FREM3: variants seen among roughly 807,000 people sequenced by gnomAD.
FREM3 encodes the protein FRAS1 related extracellular matrix 3, also known as FRAS1-related extracellular matrix protein 3.
In FREM3, 105 loss-of-function variants were observed where a neutral mutation model predicts 129.1. That is an observed-to-expected ratio of 0.81 (90% CI 0.69 to 0.96). The LOEUF is 0.96. FREM3 is among the 40% of genes least tolerant of loss of function. FREM3 has a pLI of 0.00. For missense variants in FREM3, 2,593 were observed against 2,666.3 expected, an observed-to-expected ratio of 0.97 and a Z score of 0.61; for synonymous variants, 1,014 against 1,044.9, an observed-to-expected ratio of 0.97 and a Z score of 0.57.
At chr4:143,680,619 G>A (rs2149859115) in intron 2 of FREM3, among the ~76,000 whole-genome samples, 1 of 152,054 alleles carries the variant, frequency 6.6e-6, no homozygotes, top group East Asian at 1.9e-4. Flanking sequence ...TCTTACCACT[G>A]TTTTTATTTA....
Position 143,689,518 on chromosome 4 carries a change from A to G in FREM3, c.5275+3595T>C, listed in dbSNP as rs191827464. ...AGTAGAACTACAATTTGATCCAGCA[A>G]TCCCACTACTAGGTATTTACCCAGA... is the stretch of plus-strand genomic sequence containing the variant. On this transcript the variant is annotated intron_variant, in intron 2 of 7. Transcript: ENST00000329798. Among the ~76,000 whole-genome samples, 821 of 152,264 alleles carry G rather than the reference A, an allele frequency of 5.4e-3. 7 individuals are homozygous for G. The highest frequency in any genetic ancestry group is 0.014 in the Middle Eastern group (4 of 294).
In FREM3 at chr4:143,698,065, C is replaced by A; in HGVS notation, c.2611G>T (p.Gly871Cys). 6.5e-7 allele frequency: 1 copy of A among 1,537,218 alleles called. No individual in the cohort carries two copies. Among genetic ancestry groups the A allele is most frequent in the African/African-American group, 1.4e-5 (1 of 73,096 alleles). The stretch of plus-strand genomic sequence containing the variant: ...TACTGCAAGTGTCCATGTTGGGGAC[C>A]CCGGACTAATATGAAGACAATTTGG... ...IDQIVFILVR[G>C]PQHGHLQYFK... Residue 871 changes from glycine to cysteine, a missense_variant, in exon 1 of 8, where the codon GGT becomes TGT. By Grantham distance (159) the Gly-to-Cys change is radical. Around this residue, in one of 2 missense-constraint regions of FREM3, gnomAD observed 2,276 missense variants for 2,267.2 expected, o/e 1.00. Coordinates refer to ENST00000329798, the MANE Select transcript of FREM3 (RefSeq NM_001168235.2).
At chr4:143,690,953 G>T (rs193139083) in intron 2 of FREM3, among the ~76,000 whole-genome samples, 5 of 152,218 alleles carry the variant, frequency 3.3e-5, no homozygotes, top group Admixed American at 6.5e-5. Context: ...GTTCGAGGTT[G>T]CAGTGCACTA....
intron 2 of FREM3, among the ~76,000 whole-genome samples, chr4:143,653,964 C>T (rs1739554060): frequency 6.6e-6 from 1 of 152,106 alleles, no homozygotes; most frequent in Non-Finnish European, 1.5e-5. Flanking sequence ...AAATTAAGTT[C>T]TTTTCAGTAG....
At chr4:143,675,644 A>C (rs1029100101) in intron 2 of FREM3, among the ~76,000 whole-genome samples, 5 of 152,166 alleles carry the variant, frequency 3.3e-5, no homozygotes, top group East Asian at 1.9e-4. Context: ...AGACTGCTAG[A>C]AGGACTAATA....
intron 5 of FREM3, among the ~76,000 whole-genome samples, chr4:143,620,280 T>C (rs1738922892): frequency 6.6e-6 from 1 of 152,200 alleles, no homozygotes; most frequent in South Asian, 2.1e-4. Context: ...ACCTTTCCTT[T>C]TTCCACTATA....
At chr4:143,592,786 G>T (rs1738390137) in intron 6 of FREM3, among the ~76,000 whole-genome samples, 1 of 152,152 alleles carries the variant, frequency 6.6e-6, no homozygotes, top group African/African-American at 2.4e-5. Context: ...ATGTTGGCCT[G>T]CCTTGCTAGA....
chr4:143,583,623 C>A (rs1036082273), intron 7 of FREM3, among the ~76,000 whole-genome samples: 1 of 151,710 alleles, frequency 6.6e-6, no homozygotes, highest in Non-Finnish European at 1.5e-5. Context: ...AGAAACTCTA[C>A]AGGCCAGAAG....
rs774762744 is a variant in FREM3, at chr4:143,698,767, G to A, written c.1909C>T (p.Leu637Phe). 62 of 1,537,376 alleles carry A rather than the reference G, an allele frequency of 4.0e-5. No individual in the cohort carries two copies. The highest frequency in any genetic ancestry group is 2.7e-4 in the Admixed American group (14 of 50,974). Residue 637 changes from leucine (L) to phenylalanine (F), a missense_variant, in exon 1 of 8, where the codon CTT becomes TTT. Physicochemically the swap from Leu to Phe is conservative, Grantham distance 22 (BLOSUM62 0). Transcript: ENST00000329798. ...EDWHYMEKEGLYEKVVTEWLQ... is the reference protein window; with the variant it reads ...EDWHYMEKEGFYEKVVTEWLQ... ...CACTCAGTCACCACTTTCTCATAAA[G>A]CCCTTCCTTTTCCATGTAGTGCCAG...
intron 2 of FREM3, among the ~76,000 whole-genome samples, chr4:143,633,388 G>A (rs575996368): frequency 1.3e-5 from 2 of 152,176 alleles, no homozygotes; most frequent in South Asian, 2.1e-4. Flanking sequence ...GTTTCTGAAG[G>A]ATGATTTATG....
chr4:143,673,065 A>C (rs1411225479), intron 2 of FREM3, among the ~76,000 whole-genome samples: 1 of 152,104 alleles, frequency 6.6e-6, no homozygotes, highest in Non-Finnish European at 1.5e-5. Context: ...GAGAAGTTTG[A>C]TCGTCTGAAG....
intron 2 of FREM3, among the ~76,000 whole-genome samples, chr4:143,662,809 G>A (rs1739763168): frequency 6.6e-6 from 1 of 151,996 alleles, no homozygotes; most frequent in African/African-American, 2.4e-5. Flanking sequence ...AGCTCTTCTT[G>A]TTGAATTGAT....
At chr4:143,663,489 C>T (rs1256644596) in intron 2 of FREM3, among the ~76,000 whole-genome samples, 1 of 152,068 alleles carries the variant, frequency 6.6e-6, no homozygotes, top group Non-Finnish European at 1.5e-5. Context: ...GTGGGTAACC[C>T]GACCTTGCTC....
intron 2 of FREM3, among the ~76,000 whole-genome samples, chr4:143,675,193 TC>T (rs1458440675): frequency 6.6e-6 from 1 of 152,156 alleles, no homozygotes; most frequent in Non-Finnish European, 1.5e-5. Flanking sequence ...AAACAGTCTC[TC>T]AGACCACAGT....
At chr4:143,648,406 G>T (rs1001955981) in intron 2 of FREM3, among the ~76,000 whole-genome samples, 1 of 152,180 alleles carries the variant, frequency 6.6e-6, no homozygotes, top group Non-Finnish European at 1.5e-5. Flanking sequence ...CATGAGATTT[G>T]GGAGGGGCCA....
intron 6 of FREM3, among the ~76,000 whole-genome samples, chr4:143,594,220 A>G (rs1217110798): frequency 1.3e-5 from 2 of 152,142 alleles, no homozygotes; most frequent in Admixed American, 6.5e-5. Context: ...CACACGGTGC[A>G]CTGCACCCAC....
At chr4:143,659,771 A>G (rs1739672097) in intron 2 of FREM3, among the ~76,000 whole-genome samples, 1 of 151,146 alleles carries the variant, frequency 6.6e-6, no homozygotes, top group Admixed American at 6.6e-5. Context: ...AATGATTGCC[A>G]TTCTAACTGG....
intron 2 of FREM3, among the ~76,000 whole-genome samples, chr4:143,640,322 C>T (rs1354978353): frequency 6.6e-6 from 1 of 152,168 alleles, no homozygotes; most frequent in Non-Finnish European, 1.5e-5. Flanking sequence ...AATGACAATG[C>T]TTTCTGGAGA....
At chr4:143,684,925 A>G (rs1373447971) in intron 2 of FREM3, among the ~76,000 whole-genome samples, 4 of 151,928 alleles carry the variant, frequency 2.6e-5, no homozygotes, top group African/African-American at 9.7e-5. Context: ...CTCAAAGACA[A>G]TGTCTTCAAA....
Sources: gnomAD v4.1 joint callset for allele counts (sites outside exome capture counted in the v4.1 genomes callset) on GRCh38, gnomAD v4.1.1 for gene constraint, gnomAD v4.1.1 regional missense constraint, MANE v1.5 for transcripts, NCBI Gene and HGNC (gene_info 2026-07-23, HGNC 2026-07-21) for gene names.